The following SET variants were observed in gnomAD, a reference collection of about 807,000 sequenced individuals.
The protein encoded by SET is SET nuclear proto-oncogene.
Under a neutral mutation model 39.0 loss-of-function variants are expected in SET, and 4 were observed. The ratio of observed to expected loss-of-function variants is 0.10; its 90% CI spans 0.05 to 0.23. The LOEUF is 0.23. Among genes scored for constraint, SET ranks in the 10% least tolerant of loss-of-function variants. The pLI is 1.00. For synonymous variants in SET, 114 were observed against 115.9 expected, an observed-to-expected ratio of 0.98 and a Z score of 0.11; for missense variants, 137 against 329.7, an observed-to-expected ratio of 0.42 and a Z score of 4.53.
At position 128,695,815 on chromosome 9, in the gene SET, T is replaced by C. The variant is rs1861716286; in HGVS notation, c.*1151T>C. On this transcript the variant is annotated 3_prime_UTR_variant, in exon 8 of 8. Coordinates refer to ENST00000322030, the MANE Select transcript of SET (RefSeq NM_003011.4). ...AATACTCTCTGAGTACATTGTGCCC[T>C]TGATTTTTATCTCCAAGTGGCAGTT... The C allele has an allele frequency of 4.4e-6, 1 of 227,976 alleles. No homozygotes were observed. The allele number at this position is 227,976 out of a possible 1,614,324, so 14.1% of individuals were successfully genotyped here.
chr9:128,686,694 G>A (rs1861294883), upstream of SET, among the ~76,000 whole-genome samples: 1 of 152,206 alleles, frequency 6.6e-6, no homozygotes, highest in Admixed American at 6.5e-5. Context: ...AACTGAGGCA[G>A]GGTGCGATGG....
In SET at chr9:128,693,851, G is replaced by T. The variant is rs762023635; in HGVS notation, c.663+43G>T. On this transcript the variant is annotated intron_variant, in intron 6 of 7. Coordinates refer to ENST00000322030, the MANE Select transcript of SET (RefSeq NM_003011.4). Reference sequence around the variant, plus strand: ...TTTATTCAAGGTTGGACTTGTCTCGGTTGTTTAAAAATGAGTCCTTATATT... The same window carrying T: ...TTTATTCAAGGTTGGACTTGTCTCGTTTGTTTAAAAATGAGTCCTTATATT... 1.1e-4 allele frequency: 176 copies of T among 1,603,162 alleles called. 1 individual carries two copies. In the Middle Eastern group the frequency reaches 2.0e-3, roughly 18 times the overall value.
chr9:128,690,967 C>G, intron 1 of SET: 1 of 633,440 alleles, frequency 1.6e-6, no homozygotes, highest in South Asian at 1.7e-5. Context: ...TCTGAGTAAA[C>G]CAGCAGACAG....
chr9:128,691,786 CTCTG>C, intron 2 of SET, 68 bp from the exon 3 acceptor site: 1 of 1,427,460 alleles, frequency 7.0e-7, no homozygotes, highest in Non-Finnish European at 9.5e-7. Flanking sequence ...AGTAAATACA[CTCTG>C]TAATCTCAAC....
upstream of SET, among the ~76,000 whole-genome samples, chr9:128,686,775 C>A (rs1317713344): frequency 1.3e-5 from 2 of 151,956 alleles, no homozygotes; most frequent in Non-Finnish European, 2.9e-5. Flanking sequence ...AGTTTGAGAC[C>A]AGCCTGGGCA....
chr9:128,689,212 C>T (rs1416635123), upstream of SET: 2 of 990,664 alleles, frequency 2.0e-6, no homozygotes, highest in Non-Finnish European at 2.4e-6. Flanking sequence ...CGCCTGCGCC[C>T]TGCGCCCGCC....
intron 4 of SET, 26 bp downstream of exon 4, chr9:128,692,791 T>G: frequency 6.4e-7 from 1 of 1,553,012 alleles, no homozygotes; most frequent in South Asian, 1.1e-5. Flanking sequence ...TTAATCTTGT[T>G]TGCCACTGTG....
chr9:128,685,363 G>T (rs779885057), upstream of SET: 1 of 670,538 alleles, frequency 1.5e-6, no homozygotes, highest in East Asian at 2.8e-5. Context: ...GCATTTGTGC[G>T]CAGCAAAATG....
At chr9:128,688,756 C>T (rs1013516605), upstream of SET, among the ~76,000 whole-genome samples, 16 of 152,316 alleles carry the variant, frequency 1.1e-4, no homozygotes, top group Admixed American at 2.0e-4. Flanking sequence ...ATCGGCAGTT[C>T]CCCATCTGGC....
exon 1 of SET, chr9:128,683,762 T>A (rs981735724): frequency 5.8e-6 from 4 of 690,990 alleles, no homozygotes; most frequent in Non-Finnish European, 9.5e-6. Flanking sequence ...CCCACTGTCA[T>A]GTAAATATCC....
In SET at chr9:128,694,272, A is replaced by T. The variant is rs1383838005; in HGVS notation, c.810+230A>T. ...TTGGGTTTTTTTGGTTAGACTTATC[A>T]CCACCCAAGCTTGTTTTTCCCTAGC... On this transcript the variant is annotated intron_variant, in intron 7 of 7. Transcript: ENST00000322030. Among the ~76,000 whole-genome samples, 4 of 151,932 alleles carry T rather than the reference A, an allele frequency of 2.6e-5. No homozygotes were observed. In the East Asian group the frequency reaches 7.8e-4, roughly 30 times the overall value.
chr9:128,687,866 A>C (rs752592523), upstream of SET, among the ~76,000 whole-genome samples: 37 of 152,182 alleles, frequency 2.4e-4, no homozygotes, highest in Non-Finnish European at 1.5e-4. Flanking sequence ...TTGGGATAAC[A>C]GGAGTGAGCT....
chr9:128,686,704 G>C (rs1409160507), upstream of SET, among the ~76,000 whole-genome samples: 2 of 152,172 alleles, frequency 1.3e-5, no homozygotes, highest in Admixed American at 1.3e-4. Flanking sequence ...GGGTGCGATG[G>C]CTAACTCTTG....
In SET at chr9:128,694,734, C is replaced by CTTTTTTTTTTTT. The variant is rs35778650; in HGVS notation, c.*83_*94dup. On this transcript the variant is annotated 3_prime_UTR_variant, in exon 8 of 8. Transcript: ENST00000322030. ...CCAGTCCCTGGGAGCAAGTTGCAGT[C>CTTTTTTTTTTTT]TTTTTTTTTTTTTTTTTTTTTTTTC... 7.3e-6 allele frequency: 2 copies of CTTTTTTTTTTTT among 274,178 alleles called. No homozygotes were observed. The highest frequency in any genetic ancestry group is 9.1e-5 in the Admixed American group (1 of 11,026). 17.0% of individuals were successfully genotyped at this position (274,178 alleles called of 1,614,324 possible).
chr9:128,691,709 T>C (rs1861541123), intron 2 of SET, 149 bp from the exon 3 acceptor site: 1 of 768,856 alleles, frequency 1.3e-6, no homozygotes, highest in Non-Finnish European at 2.1e-6. Context: ...CCATCTTAGT[T>C]TTGAGTGTCT....
chr9:128,690,941 C>T (rs1010667105), intron 1 of SET: 1 of 584,804 alleles, frequency 1.7e-6, no homozygotes, highest in Non-Finnish European at 3.0e-6. Context: ...TAAAAAGGCG[C>T]TATAGAAAAC....
rs1861729193 is a variant in SET at position 128,696,084 on chromosome 9, C to T, written c.*1420C>T. On this transcript the variant is annotated 3_prime_UTR_variant, in exon 8 of 8. Transcript: ENST00000322030. ...GTGAATCTGGGTGGGATAATGGACT[C>T]AGCTCTGTCTGCTCAATGCCATTGT... is the stretch of plus-strand genomic sequence containing the variant. 2 of 223,218 alleles carry T rather than the reference C, an allele frequency of 9.0e-6. No homozygotes were observed. Among genetic ancestry groups the T allele is most frequent in the Non-Finnish European group, 1.8e-5 (2 of 110,804 alleles). The allele number at this position is 223,218 out of a possible 1,614,324, so 13.8% of individuals were successfully genotyped here.
chr9:128,689,241 TGGA>T lies in SET; in HGVS notation c.-333_-331del, dbSNP rs1158771361. ...GCCCGCCCCTCGCCGTAGGAGGAGG[TGGA>T]GGAGGAGGCGGCTCGGGAGAGCGAG... On this transcript the variant is annotated 5_prime_UTR_variant, in exon 1 of 8. Coordinates refer to ENST00000322030, the MANE Select transcript of SET (RefSeq NM_003011.4). 2 of 997,730 alleles carry T rather than the reference TGGA, an allele frequency of 2.0e-6. No homozygotes were observed. Among genetic ancestry groups the T allele is most frequent in the Non-Finnish European group, 2.4e-6 (2 of 838,206 alleles). 61.8% of individuals were successfully genotyped at this position (997,730 alleles called of 1,614,324 possible). A position where few individuals can be genotyped will look rare whatever the true frequency, so the allele number is the denominator to read the frequency against.
At chr9:128,687,176 G>C (rs967512450), upstream of SET, among the ~76,000 whole-genome samples, 8 of 152,022 alleles carry the variant, frequency 5.3e-5, no homozygotes, top group South Asian at 1.2e-3. Flanking sequence ...TGGCCAACAT[G>C]GTGAAACCCC....
Sources: gnomAD v4.1 joint callset for allele counts (sites outside exome capture counted in the v4.1 genomes callset) on GRCh38, gnomAD v4.1.1 for gene constraint, MANE v1.5 for transcripts, NCBI Gene and HGNC (gene_info 2026-07-23, HGNC 2026-07-21) for gene names.